MYRIP: variants seen among roughly 807,000 people sequenced by gnomAD.
The protein encoded by MYRIP is myosin VIIA and Rab interacting protein, also known as rab effector MyRIP.
In MYRIP, 49 loss-of-function variants were observed where a neutral mutation model predicts 98.0. The observed-to-expected ratio is 0.50, with a 90% CI of 0.40 to 0.63. MYRIP has a LOEUF of 0.63. Ranked by LOEUF, MYRIP falls within the 30% of genes least tolerant of loss-of-function variation. The pLI is 0.00. For synonymous variants in MYRIP, 404 were observed against 409.5 expected (o/e 0.99, Z 0.16); for missense variants, 1,004 against 1,058.2 (o/e 0.95, Z 0.71).
chr3:40,209,706 A>T, intron 10 of MYRIP, 148 bp from the exon 11 acceptor site: 1 of 1,013,234 alleles, frequency 9.9e-7, no homozygotes, highest in Admixed American at 2.5e-5. Flanking sequence ...CTAAAAGTCC[A>T]TCTGAAGAGA....
At chr3:39,907,727 A>G (rs1224152063) in intron 2 of MYRIP, among the ~76,000 whole-genome samples, 1 of 152,200 alleles carries the variant, frequency 6.6e-6, no homozygotes, top group Non-Finnish European at 1.5e-5. Flanking sequence ...AATATTTATT[A>G]TGCCCCAACC....
At chr3:39,860,998 C>G (rs561968357) in intron 1 of MYRIP, among the ~76,000 whole-genome samples, 1 of 152,346 alleles carries the variant, frequency 6.6e-6, no homozygotes, top group South Asian at 2.1e-4. Context: ...AACAAGCATG[C>G]GTTCTGCTGC....
intron 2 of MYRIP, among the ~76,000 whole-genome samples, chr3:39,992,498 T>C (rs11924220): frequency 0.11 from 16,742 of 152,224 alleles, 1,685 homozygotes; most frequent in African/African-American, 0.26. Context: ...AATTTAACTC[T>C]GGACTTATTC....
At chr3:40,045,409 G>A (rs1467148455) in intron 3 of MYRIP, among the ~76,000 whole-genome samples, 2 of 152,166 alleles carry the variant, frequency 1.3e-5, no homozygotes, top group Non-Finnish European at 2.9e-5. Flanking sequence ...AGAGCAAGGA[G>A]CCCATCTGGG....
At chr3:39,930,647 T>A (rs953477074) in intron 2 of MYRIP, among the ~76,000 whole-genome samples, 5 of 152,114 alleles carry the variant, frequency 3.3e-5, no homozygotes, top group Non-Finnish European at 7.4e-5. Flanking sequence ...CTAGGAATTT[T>A]ATAAATTTAT....
In MYRIP at chr3:39,956,121, A is replaced by G. The variant is rs995735460; in HGVS notation, c.110+55195A>G. 3.9e-5 allele frequency among the ~76,000 whole-genome samples: 6 copies of G among 152,332 alleles called. No individual in the cohort carries two copies. The East Asian group carries it at 1.2e-3, about 29-fold the overall frequency. On this transcript the variant is annotated intron_variant, in intron 2 of 16. Coordinates refer to ENST00000302541, the MANE Select transcript of MYRIP (RefSeq NM_015460.4). Reference sequence around the variant, plus strand: ...ACTGTCAACATTAGACAGATCAACGAGACAGAAACTTAACAAGGATATCCA... The same window carrying G: ...ACTGTCAACATTAGACAGATCAACGGGACAGAAACTTAACAAGGATATCCA...
rs764409518 is a variant in MYRIP at position 40,258,156 on chromosome 3, T to TGATGTG, written c.2575_2576insGGATGT (p.Met858_Tyr859insTrpMet). 1 of 1,613,792 alleles carries TGATGTG rather than the reference T, an allele frequency of 6.2e-7. No individual in the cohort carries two copies. The highest frequency in any genetic ancestry group is 1.3e-5 in the African/African-American group (1 of 74,926). On this transcript the variant is annotated inframe_insertion, in exon 17 of 17. Transcript: ENST00000302541. ...CAGGAGCCTGCTCTGGAGTCAGCTG[T>TGATGTG]GATGTACTGACACCATGGAATTCCA...
chr3:40,211,540 C>CT (rs1559456083), intron 11 of MYRIP, among the ~76,000 whole-genome samples: 1 of 152,202 alleles, frequency 6.6e-6, no homozygotes. Flanking sequence ...CGAGGAGCCC[C>CT]TCACTGGGAT....
chr3:39,993,595 T>G (rs1946233634), intron 2 of MYRIP, among the ~76,000 whole-genome samples: 1 of 152,192 alleles, frequency 6.6e-6, no homozygotes, highest in Non-Finnish European at 1.5e-5. Context: ...AAACCATGCC[T>G]TCTCTCTCCT....
rs1953660626 is a variant in MYRIP, at chr3:40,258,192, C to T, written c.*26C>T. On this transcript the variant is annotated 3_prime_UTR_variant, in exon 17 of 17. Transcript: ENST00000302541. ...CACCATGGAATTCCACTGCCAGTGA[C>T]CCACTGCCTCCGGCCGTACACGACA... 1 of 1,613,934 alleles carries T rather than the reference C, an allele frequency of 6.2e-7. No individual in the cohort carries two copies. The highest frequency in any genetic ancestry group is 8.5e-7 in the Non-Finnish European group (1 of 1,179,898).
intron 10 of MYRIP, among the ~76,000 whole-genome samples, chr3:40,193,604 G>A (rs1951305973): frequency 6.6e-6 from 1 of 152,178 alleles, no homozygotes; most frequent in Non-Finnish European, 1.5e-5. Context: ...GACTGGAGGA[G>A]TATATGGGTC....
intron 11 of MYRIP, among the ~76,000 whole-genome samples, chr3:40,224,686 T>A (rs539221274): frequency 6.6e-6 from 1 of 152,206 alleles, no homozygotes; most frequent in Non-Finnish European, 1.5e-5. Flanking sequence ...TTAGTCACCA[T>A]GAAAAAAGGA....
chr3:40,211,043 T>C (rs1270795261), intron 11 of MYRIP, among the ~76,000 whole-genome samples: 1 of 152,140 alleles, frequency 6.6e-6, no homozygotes, highest in African/African-American at 2.4e-5. Context: ...TAAATAACCC[T>C]TTGAAATAGA....
chr3:39,952,620 G>T (rs1945050948), intron 2 of MYRIP, among the ~76,000 whole-genome samples: 1 of 152,062 alleles, frequency 6.6e-6, no homozygotes, highest in Non-Finnish European at 1.5e-5. Context: ...TGACATCTTT[G>T]TTTAGCTTTA....
intron 1 of MYRIP, among the ~76,000 whole-genome samples, chr3:39,882,562 T>G (rs925263520): frequency 2.0e-5 from 3 of 152,188 alleles, no homozygotes; most frequent in African/African-American, 7.2e-5. Flanking sequence ...TAATTTTAAC[T>G]AGGCTCAGTT....
chr3:39,896,933 T>G (rs1308079428), intron 1 of MYRIP, among the ~76,000 whole-genome samples: 2 of 152,228 alleles, frequency 1.3e-5, no homozygotes, highest in East Asian at 1.9e-4. Flanking sequence ...TCATGTTAGT[T>G]ATTTTAGCCA....
Position 40,258,162 on chromosome 3 carries a change from A to G in MYRIP, c.2576A>G (p.Tyr859Cys), listed in dbSNP as rs746039116. Residue 859 changes from tyrosine to cysteine, a missense_variant, in exon 17 of 17, where the codon TAC becomes TGC. By Grantham distance (194) the Tyr-to-Cys change is radical. Transcript: ENST00000302541. ...CCTGCTCTGGAGTCAGCTGTGATGT[A>G]CTGACACCATGGAATTCCACTGCCA... Reference protein sequence around the residue: ...MEPALESAVMY With the variant: ...MEPALESAVMC 3.2e-5 allele frequency: 52 copies of G among 1,613,758 alleles called. No homozygotes were observed. The East Asian group carries it at 7.6e-4, about 24-fold the overall frequency.
chr3:40,167,782 C>T (rs1950528104), intron 7 of MYRIP, among the ~76,000 whole-genome samples: 1 of 152,146 alleles, frequency 6.6e-6, no homozygotes, highest in Admixed American at 6.5e-5. Context: ...CTAGAACTCA[C>T]AGAACTCAGG....
chr3:40,212,630 C>T (rs1397107350), intron 11 of MYRIP, among the ~76,000 whole-genome samples: 1 of 152,042 alleles, frequency 6.6e-6, no homozygotes, highest in South Asian at 2.1e-4. Flanking sequence ...GGCTTGGTGG[C>T]GTGCACCTGT....
Sources: allele counts gnomAD v4.1 joint callset (sites outside exome capture counted in the v4.1 genomes callset), GRCh38; gene constraint gnomAD v4.1.1; transcripts MANE v1.5; gene names NCBI Gene and HGNC (gene_info 2026-07-23, HGNC 2026-07-21).